Variants in HAT1 observed in about 807,000 individuals in gnomAD.
The protein encoded by HAT1 is histone acetyltransferase type B catalytic subunit.
HAT1 carries 20 observed loss-of-function variants against 56.6 expected under a neutral mutation model. That is an observed-to-expected ratio of 0.35 (90% CI 0.25 to 0.51). The LOEUF (loss-of-function observed/expected upper bound fraction) is 0.51. Among genes scored for constraint, HAT1 ranks in the 20% least tolerant of loss-of-function variants. The pLI is 0.95. For synonymous variants in HAT1, 146 were observed against 165.5 expected (o/e 0.88, Z 0.91); for missense variants, 408 against 504.3 (o/e 0.81, Z 1.83).
intron 2 of HAT1, among the ~76,000 whole-genome samples, chr2:171,943,583 A>G (rs973889351): frequency 1.3e-5 from 2 of 151,252 alleles, no homozygotes; most frequent in African/African-American, 4.8e-5. Flanking sequence ...AACAATACTC[A>G]TGTATATTTA....
chr2:171,930,306 G>A (rs1238005280), intron 2 of HAT1, among the ~76,000 whole-genome samples: 1 of 151,980 alleles, frequency 6.6e-6, no homozygotes, highest in African/African-American at 2.4e-5. Context: ...CGAGTAGCTG[G>A]GACTCCGCAT....
intron 2 of HAT1, among the ~76,000 whole-genome samples, chr2:171,940,040 G>T (rs751605658): frequency 7.2e-5 from 11 of 152,100 alleles, no homozygotes; most frequent in African/African-American, 2.7e-4. Context: ...AAAGTGCTGG[G>T]ATCACAGGCA....
At chr2:171,927,555 T>C (rs1686628621) in intron 2 of HAT1, among the ~76,000 whole-genome samples, 1 of 152,168 alleles carries the variant, frequency 6.6e-6, no homozygotes, top group Non-Finnish European at 1.5e-5. Context: ...CAGCCATTTC[T>C]CCAAGGATCC....
intron 5 of HAT1, 43 bp downstream of exon 5, chr2:171,965,560 C>A: frequency 1.6e-6 from 2 of 1,257,158 alleles, no homozygotes; most frequent in South Asian, 1.4e-5. Context: ...GTTCTATTTG[C>A]CTGAAACCTG....
At chr2:171,930,618 T>C (rs1051384044) in intron 2 of HAT1, among the ~76,000 whole-genome samples, 1 of 152,198 alleles carries the variant, frequency 6.6e-6, no homozygotes, top group African/African-American at 2.4e-5. Context: ...GTTTTTTGTA[T>C]TCTGGGCTTT....
chr2:171,974,875 T>A (rs1266044482), intron 8 of HAT1, among the ~76,000 whole-genome samples: 2 of 152,144 alleles, frequency 1.3e-5, no homozygotes, highest in African/African-American at 4.8e-5. Flanking sequence ...ATTAATTGAT[T>A]TTTTTTGGAT....
chr2:171,963,661 T>TTAC (rs1687625173), intron 4 of HAT1, among the ~76,000 whole-genome samples: 1 of 152,222 alleles, frequency 6.6e-6, no homozygotes, highest in African/African-American at 2.4e-5. Flanking sequence ...CTATACTGTT[T>TTAC]TACTCATCAC....
chr2:171,947,860 C>G (rs1305024523), intron 3 of HAT1, among the ~76,000 whole-genome samples: 1 of 152,154 alleles, frequency 6.6e-6, no homozygotes, highest in Non-Finnish European at 1.5e-5. Context: ...GCCTGTGCGA[C>G]AGAGCGAGAC....
intron 10 of HAT1, among the ~76,000 whole-genome samples, chr2:171,982,297 T>C (rs1180682695): frequency 2.0e-5 from 3 of 152,164 alleles, no homozygotes; most frequent in Non-Finnish European, 4.4e-5. Context: ...CCAGGAGTTC[T>C]AGAACAGTAT....
chr2:171,939,500 G>A (rs1424887630), intron 2 of HAT1, among the ~76,000 whole-genome samples: 2 of 152,154 alleles, frequency 1.3e-5, no homozygotes, highest in Non-Finnish European at 2.9e-5. Flanking sequence ...CGTGGTGACT[G>A]TTTTTCTAAA....
At chr2:171,922,615 G>A (rs1307038464) in intron 1 of HAT1, 108 bp downstream of exon 1, 8 of 934,310 alleles carry the variant, frequency 8.6e-6, no homozygotes, top group Non-Finnish European at 1.2e-5. Flanking sequence ...CTGTAGCCTG[G>A]GTTCCAGAAG....
At chr2:171,944,340 A>G (rs1287651859) in intron 2 of HAT1, among the ~76,000 whole-genome samples, 1 of 152,092 alleles carries the variant, frequency 6.6e-6, no homozygotes, top group Admixed American at 6.6e-5. Context: ...GGATTTGTGT[A>G]TTTCCTTTTG....
At chr2:171,976,946 C>A (rs1454130845) in intron 9 of HAT1, among the ~76,000 whole-genome samples, 2 of 139,782 alleles carry the variant, frequency 1.4e-5, no homozygotes, top group Non-Finnish European at 3.1e-5. Context: ...GAGGCCGAGG[C>A]GGACAGATCA....
chr2:171,972,002 A>AG (rs1379094459), intron 8 of HAT1, among the ~76,000 whole-genome samples: 2 of 152,144 alleles, frequency 1.3e-5, no homozygotes, highest in African/African-American at 4.8e-5. Flanking sequence ...CCCAAGCAAC[A>AG]CACATAGGGG....
intron 3 of HAT1, among the ~76,000 whole-genome samples, chr2:171,948,859 T>C (rs1687234807): frequency 6.6e-6 from 1 of 152,210 alleles, no homozygotes; most frequent in Non-Finnish European, 1.5e-5. Context: ...CATCAGGAAG[T>C]CCGTGATGTC....
At chr2:171,922,537 G>A (rs1437944111) in intron 1 of HAT1, 30 bp downstream of exon 1, 1 of 1,314,978 alleles carries the variant, frequency 7.6e-7, no homozygotes, top group Non-Finnish European at 9.8e-7. Context: ...TTACCAAGGG[G>A]AGGAGGCGGC....
At chr2:171,972,489 T>A (rs1209103911) in intron 8 of HAT1, among the ~76,000 whole-genome samples, 2 of 152,178 alleles carry the variant, frequency 1.3e-5, no homozygotes, top group African/African-American at 4.8e-5. Context: ...GGTCTTGAAC[T>A]CCAGGGCTCC....
chr2:171,975,352 G>A (rs554507221), intron 8 of HAT1, among the ~76,000 whole-genome samples: 5 of 152,148 alleles, frequency 3.3e-5, no homozygotes, highest in Admixed American at 2.6e-4. Context: ...TGATCCGCCC[G>A]CCTCAGCCTT....
chr2:171,947,432 T>G (rs929804185), intron 3 of HAT1, among the ~76,000 whole-genome samples: 2 of 151,860 alleles, frequency 1.3e-5, no homozygotes, highest in African/African-American at 2.4e-5. Context: ...TTTAAAAAAT[T>G]TTTTGTAGAG....
Sources: gnomAD v4.1 joint callset for allele counts (sites outside exome capture counted in the v4.1 genomes callset) on GRCh38, gnomAD v4.1.1 for gene constraint, MANE v1.5 for transcripts, NCBI Gene and HGNC (gene_info 2026-07-23, HGNC 2026-07-21) for gene names.